GALNT2: variants seen among roughly 807,000 people sequenced by gnomAD.
GALNT2 encodes polypeptide N-acetylgalactosaminyltransferase 2, also known as UDP-GalNAc:polypeptide N-acetylgalactosaminyltransferase 2.
GALNT2 carries 31 observed loss-of-function variants against 81.4 expected under a neutral mutation model. The ratio of observed to expected loss-of-function variants is 0.38; its 90% CI spans 0.29 to 0.51. The LOEUF (loss-of-function observed/expected upper bound fraction) is 0.51, where lower values mean the gene tolerates loss of function less well. Among genes scored for constraint, GALNT2 ranks in the 20% least tolerant of loss-of-function variants. The pLI is 0.87. For missense variants in GALNT2, 629 were observed against 765.7 expected, an observed-to-expected ratio of 0.82 and a Z score of 2.11; for synonymous variants, 303 against 287.4, an observed-to-expected ratio of 1.05 and a Z score of -0.55.
chr1:230,100,383 A>G (rs562884065), intron 1 of GALNT2, among the ~76,000 whole-genome samples: 45 of 140,576 alleles, frequency 3.2e-4, no homozygotes, highest in African/African-American at 1.0e-3. Flanking sequence ...CTGGAGTGCA[A>G]TGGCGCGACC....
intron 2 of GALNT2, among the ~76,000 whole-genome samples, chr1:230,181,305 G>A (rs1206909264): frequency 6.6e-6 from 1 of 152,032 alleles, no homozygotes; most frequent in African/African-American, 2.4e-5. Flanking sequence ...ACATGAATGG[G>A]TGTTGGATTT....
At chr1:230,105,645 G>T (rs1463057810) in intron 1 of GALNT2, among the ~76,000 whole-genome samples, 1 of 152,156 alleles carries the variant, frequency 6.6e-6, no homozygotes, top group East Asian at 1.9e-4. Context: ...GGTGGGAGTT[G>T]CATAAATGTC....
At chr1:230,232,510 A>C (rs999996353) in intron 3 of GALNT2, among the ~76,000 whole-genome samples, 2 of 152,166 alleles carry the variant, frequency 1.3e-5, no homozygotes, top group Non-Finnish European at 2.9e-5. Flanking sequence ...TAGCATGAAA[A>C]AATGCTGCCT....
At chr1:230,077,868 A>G (rs926011810) in intron 1 of GALNT2, among the ~76,000 whole-genome samples, 2 of 152,202 alleles carry the variant, frequency 1.3e-5, no homozygotes, top group African/African-American at 4.8e-5. Flanking sequence ...TAACTCCTCA[A>G]TTCACCATCC....
chr1:230,144,698 C>T (rs1160105436), intron 1 of GALNT2, among the ~76,000 whole-genome samples: 1 of 151,944 alleles, frequency 6.6e-6, no homozygotes, highest in Non-Finnish European at 1.5e-5. Context: ...AAGCAAATCT[C>T]GGATGTTATT....
chr1:230,225,530 T>C (rs1019112895), intron 3 of GALNT2, among the ~76,000 whole-genome samples: 8 of 152,198 alleles, frequency 5.3e-5, no homozygotes, highest in Non-Finnish European at 1.0e-4. Context: ...TGGCTTAGGC[T>C]TGACTCTCTC....
intron 1 of GALNT2, among the ~76,000 whole-genome samples, chr1:230,166,052 G>A (rs567766814): frequency 6.6e-5 from 10 of 152,146 alleles, no homozygotes; most frequent in Non-Finnish European, 1.5e-4. Context: ...GTGTTTACCT[G>A]TCTTTAAAGT....
rs765401508 is a variant in GALNT2 at position 230,249,262 on chromosome 1, CCCCTATAA to C, written c.897_904del (p.Pro300AsnfsTer13). 1 of 1,613,990 alleles carries C rather than the reference CCCCTATAA, an allele frequency of 6.2e-7. No individual in the cohort carries two copies. Among genetic ancestry groups the C allele is most frequent in the Admixed American group, 1.7e-5 (1 of 60,018 alleles). Reference sequence around the variant, plus strand: ...AGGTCCCGGCAGGGGAACCCAGTCGCCCCTATAAAGTAAGTGCCAGCATCCTTCAGGGT... The same window carrying C: ...AGGTCCCGGCAGGGGAACCCAGTCGCAGTAAGTGCCAGCATCCTTCAGGGT... On this transcript the variant is annotated frameshift_variant and splice_region_variant, in exon 9 of 16. Coordinates refer to ENST00000366672, the MANE Select transcript of GALNT2 (RefSeq NM_004481.5). LOFTEE classifies it high-confidence loss of function.
chr1:230,182,924 T>C (rs1455622802), intron 2 of GALNT2, among the ~76,000 whole-genome samples: 1 of 152,242 alleles, frequency 6.6e-6, no homozygotes, highest in Non-Finnish European at 1.5e-5. Context: ...TCATGCATTT[T>C]TATGCTCCTT....
chr1:230,183,096 G>A (rs1663210533), intron 2 of GALNT2, among the ~76,000 whole-genome samples: 1 of 152,116 alleles, frequency 6.6e-6, no homozygotes, highest in Admixed American at 6.5e-5. Flanking sequence ...ATTAGTGTTA[G>A]CATGATAGAT....
At chr1:230,170,683 T>A (rs1243243291) in intron 1 of GALNT2, among the ~76,000 whole-genome samples, 2 of 152,220 alleles carry the variant, frequency 1.3e-5, no homozygotes, top group East Asian at 3.8e-4. Context: ...CAGAATCTGC[T>A]TCTGGTGAGG....
chr1:230,063,233 C>T (rs1342366253), upstream of GALNT2, among the ~76,000 whole-genome samples: 1 of 151,636 alleles, frequency 6.6e-6, no homozygotes, highest in East Asian at 1.9e-4. Flanking sequence ...ATGGCTTGAC[C>T]CCAGGAGGTG....
At chr1:230,252,662 G>A (rs938181501) in intron 10 of GALNT2, among the ~76,000 whole-genome samples, 12 of 152,114 alleles carry the variant, frequency 7.9e-5, no homozygotes, top group South Asian at 4.2e-4. Context: ...TGAAATCAAC[G>A]CTGAAGATAC....
At chr1:230,072,368 T>TGGGGGGGGGGGGGGGGGG (rs1659401983) in intron 1 of GALNT2, among the ~76,000 whole-genome samples, 1 of 17,600 alleles carries the variant, frequency 5.7e-5, no homozygotes, top group African/African-American at 2.9e-4. Context: ...GGGGCGGGGG[T>TGGGGGGGGGGGGGGGGGG]GGCGGGGGGT....
chr1:230,124,926 A>T (rs1417927266), intron 1 of GALNT2, among the ~76,000 whole-genome samples: 3 of 152,160 alleles, frequency 2.0e-5, no homozygotes, highest in African/African-American at 4.8e-5. Flanking sequence ...TCAGCCCTCC[A>T]AACACTGGAG....
At chr1:230,166,236 A>C (rs1662597785) in intron 1 of GALNT2, among the ~76,000 whole-genome samples, 1 of 152,244 alleles carries the variant, frequency 6.6e-6, no homozygotes. Flanking sequence ...GAAAATGTTA[A>C]TGAGAAAATG....
intron 1 of GALNT2, among the ~76,000 whole-genome samples, chr1:230,163,706 G>T (rs1662508937): frequency 6.6e-6 from 1 of 152,236 alleles, no homozygotes; most frequent in Non-Finnish European, 1.5e-5. Flanking sequence ...GAGACGAAGT[G>T]TGTGGAAAGG....
At chr1:230,194,816 G>GCCC (rs769560318) in intron 2 of GALNT2, among the ~76,000 whole-genome samples, 10 of 152,226 alleles carry the variant, frequency 6.6e-5, no homozygotes, top group Admixed American at 2.6e-4. Context: ...TCCGGGCTGG[G>GCCC]CCCCCATCCA....
At chr1:230,171,115 A>G (rs1662777986) in intron 1 of GALNT2, among the ~76,000 whole-genome samples, 1 of 152,146 alleles carries the variant, frequency 6.6e-6, no homozygotes, top group Admixed American at 6.5e-5. Flanking sequence ...CCTCTACACT[A>G]CCCTGGTGGA....
Sources: gnomAD v4.1 joint callset for allele counts (sites outside exome capture counted in the v4.1 genomes callset) on GRCh38, gnomAD v4.1.1 for gene constraint, MANE v1.5 for transcripts, NCBI Gene and HGNC (gene_info 2026-07-23, HGNC 2026-07-21) for gene names.